ENPEP: variants seen among roughly 807,000 people sequenced by gnomAD.
The protein encoded by ENPEP is AP-A.
Under a neutral mutation model 114.5 loss-of-function variants are expected in ENPEP, and 103 were observed. That is an observed-to-expected ratio of 0.90 (90% CI 0.77 to 1.06). ENPEP has a LOEUF of 1.06. Ranked by LOEUF, ENPEP falls within the 50% of genes least tolerant of loss-of-function variation. The pLI is 0.00. For missense variants in ENPEP, 1,196 were observed against 1,161.3 expected (o/e 1.03, Z -0.43); for synonymous variants, 420 against 422.0 (o/e 1.00, Z 0.06).
At chr4:110,516,722 G>T (rs1725784795) in intron 8 of ENPEP, among the ~76,000 whole-genome samples, 1 of 152,118 alleles carries the variant, frequency 6.6e-6, no homozygotes. Flanking sequence ...GAAACATCTA[G>T]GTGATTATTA....
chr4:110,516,131 AC>A (rs1020702703), intron 8 of ENPEP, among the ~76,000 whole-genome samples: 5 of 152,194 alleles, frequency 3.3e-5, no homozygotes, highest in African/African-American at 1.2e-4. Context: ...TGAGTACAAG[AC>A]TTTTCCCTTA....
chr4:110,526,783 C>G (rs984851766), intron 10 of ENPEP, among the ~76,000 whole-genome samples: 2 of 152,094 alleles, frequency 1.3e-5, no homozygotes, highest in South Asian at 4.1e-4. Flanking sequence ...TTGCAATGAG[C>G]AGCCCACGTG....
At chr4:110,542,292 C>G (rs1025035624) in intron 11 of ENPEP, among the ~76,000 whole-genome samples, 3 of 152,032 alleles carry the variant, frequency 2.0e-5, no homozygotes, top group South Asian at 4.1e-4. Context: ...TTTTAATAAA[C>G]AAAGTATTAT....
At position 110,515,462 on chromosome 4, in the gene ENPEP, G is replaced by A. The variant is rs755798053; in HGVS notation, c.1509+20G>A. The A allele has an allele frequency of 6.4e-7, 1 of 1,566,658 alleles. No homozygotes were observed. Among genetic ancestry groups the A allele is most frequent in the Non-Finnish European group, 8.7e-7 (1 of 1,151,330 alleles). On this transcript the variant is annotated intron_variant, in intron 8 of 19. Transcript: ENST00000265162. ...TGTCAGGTATGATTTATTACTTTTA[G>A]TGATATCAAAATTAAACTACATTGA...
chr4:110,483,580 G>A (rs756413278), intron 1 of ENPEP, among the ~76,000 whole-genome samples: 2 of 152,086 alleles, frequency 1.3e-5, no homozygotes, highest in Non-Finnish European at 2.9e-5. Context: ...AGATGCCAGA[G>A]AAATGCTCTT....
chr4:110,486,689 T>C (rs1009296341), intron 1 of ENPEP, among the ~76,000 whole-genome samples: 1 of 152,182 alleles, frequency 6.6e-6, no homozygotes, highest in Non-Finnish European at 1.5e-5. Flanking sequence ...TATTTATTTG[T>C]GTGTCTCTTG....
intron 11 of ENPEP, among the ~76,000 whole-genome samples, chr4:110,536,284 C>A (rs757556835): frequency 3.3e-5 from 5 of 152,128 alleles, no homozygotes; most frequent in Non-Finnish European, 7.3e-5. Flanking sequence ...CTTGTTCATG[C>A]AACAGTCTAA....
At chr4:110,484,454 C>T (rs1033706300) in intron 1 of ENPEP, among the ~76,000 whole-genome samples, 1 of 151,918 alleles carries the variant, frequency 6.6e-6, no homozygotes, top group Non-Finnish European at 1.5e-5. Context: ...TTATATAGCT[C>T]TTCGGGTTGA....
chr4:110,525,226 G>C (rs1726150623), intron 10 of ENPEP, among the ~76,000 whole-genome samples: 1 of 152,214 alleles, frequency 6.6e-6, no homozygotes, highest in Non-Finnish European at 1.5e-5. Flanking sequence ...TTGGGTGCCA[G>C]CTGCTCCCAT....
chr4:110,491,157 G>A lies in ENPEP; in HGVS notation c.911G>A (p.Gly304Glu), dbSNP rs756936512. ...TCTGTAAAGAGAATATCAAATAGTG[G>A]AAAACCTGTGAGTCTCATTATATTT... ...FDSVKRISNSGKPLTIYVQPE... is the reference protein window; with the variant it reads ...FDSVKRISNSEKPLTIYVQPE... Residue 304 changes from glycine to glutamate, a missense_variant, in exon 3 of 20, where the codon GGA (glycine) becomes GAA (glutamate). Gly to Glu is a moderately conservative substitution (Grantham distance 98, BLOSUM62 -2). Transcript: ENST00000265162. 2 of 1,600,822 alleles carry A rather than the reference G, an allele frequency of 1.2e-6. No individual in the cohort carries two copies. The highest frequency in any genetic ancestry group is 4.5e-5 in the East Asian group (2 of 44,380).
chr4:110,487,079 T>A (rs771009375), intron 1 of ENPEP, among the ~76,000 whole-genome samples: 9 of 152,164 alleles, frequency 5.9e-5, no homozygotes, highest in Non-Finnish European at 1.2e-4. Context: ...AGCTGATCCA[T>A]CAAGTACGGA....
At chr4:110,506,897 T>C in intron 4 of ENPEP, 140 bp downstream of exon 4, 1 of 823,892 alleles carries the variant, frequency 1.2e-6, no homozygotes, top group Non-Finnish European at 1.8e-6. Context: ...TATCTTGGGC[T>C]CAAGTAAGCC....
rs765993062 is a variant in ENPEP, at chr4:110,543,075, G to A, written c.2000+5G>A. 1.2e-4 allele frequency: 193 copies of A among 1,611,038 alleles called. No homozygotes were observed. Among genetic ancestry groups the A allele is most frequent in the Non-Finnish European group, 1.5e-4 (178 of 1,177,786 alleles). On this transcript the variant is annotated splice_donor_5th_base_variant and intron_variant, in intron 13 of 19. Transcript: ENST00000265162. Reference sequence around the variant, plus strand: ...TGATGCTTTTGCCTTGGCAAGGTGCGTTTTAGAATGAGACTAAATTACTTA... The same window carrying A: ...TGATGCTTTTGCCTTGGCAAGGTGCATTTTAGAATGAGACTAAATTACTTA...
At chr4:110,486,010 G>A (rs1578390551) in intron 1 of ENPEP, among the ~76,000 whole-genome samples, 2 of 152,198 alleles carry the variant, frequency 1.3e-5, no homozygotes, top group South Asian at 4.1e-4. Flanking sequence ...AACTTTCAGG[G>A]AGTTTTTGAA....
chr4:110,542,981 T>C (rs1209912603), intron 12 of ENPEP, 34 bp from the exon 13 acceptor site: 2 of 1,611,918 alleles, frequency 1.2e-6, no homozygotes, highest in East Asian at 2.2e-5. Flanking sequence ...GCCTTAAGAA[T>C]TGTGTTTTTA....
chr4:110,523,136 C>A (rs1308919750), intron 10 of ENPEP, among the ~76,000 whole-genome samples: 4 of 152,072 alleles, frequency 2.6e-5, no homozygotes, highest in Non-Finnish European at 5.9e-5. Context: ...ATGAAAAAAA[C>A]TTGAGGATTT....
intron 15 of ENPEP, 51 bp from the exon 16 acceptor site, chr4:110,549,477 C>T (rs1727202098): frequency 6.2e-7 from 1 of 1,611,640 alleles, no homozygotes; most frequent in Admixed American, 1.7e-5. Context: ...TGTTTTAAGA[C>T]TTGTTGAAAA....
intron 1 of ENPEP, among the ~76,000 whole-genome samples, chr4:110,484,305 T>G (rs1724420549): frequency 6.6e-6 from 1 of 152,194 alleles, no homozygotes; most frequent in Non-Finnish European, 1.5e-5. Context: ...ACTAAAAGTC[T>G]GGGGTTTTGT....
In ENPEP at chr4:110,513,550, G is replaced by A. The variant is rs1251831322; in HGVS notation, c.1443+1G>A. ...TTTTGATGGAATATCCTATAGCAAG[G>A]TGGGAGAAATAGAACATTGTTTTGA... On this transcript the variant is annotated splice_donor_variant, in intron 7 of 19. Transcript: ENST00000265162. LOFTEE classifies it high-confidence loss of function. The A allele has an allele frequency of 1.9e-6, 3 of 1,611,168 alleles. No individual in the cohort carries two copies. Among genetic ancestry groups the A allele is most frequent in the South Asian group, 2.2e-5 (2 of 90,308 alleles).
Sources: allele counts gnomAD v4.1 joint callset (sites outside exome capture counted in the v4.1 genomes callset), GRCh38; gene constraint gnomAD v4.1.1; transcripts MANE v1.5; gene names NCBI Gene and HGNC (gene_info 2026-07-23, HGNC 2026-07-21).